The following STAG1 variants were observed in gnomAD, a reference collection of about 807,000 sequenced individuals.
STAG1 encodes the protein STAG1 cohesin complex component, also known as cohesin subunit SA-1.
In STAG1, 26 loss-of-function variants were observed where a neutral mutation model predicts 170.9. That is an observed-to-expected ratio of 0.15 (90% CI 0.11 to 0.21). The LOEUF is 0.21. Among genes scored for constraint, STAG1 ranks in the 10% least tolerant of loss-of-function variants. STAG1 has a pLI of 1.00. For missense variants in STAG1, 964 were observed against 1,509.5 expected (o/e 0.64, Z 5.99); for synonymous variants, 514 against 497.7 (o/e 1.03, Z -0.44).
At chr3:136,371,588 C>T (rs1409924841) in intron 23 of STAG1, among the ~76,000 whole-genome samples, 1 of 152,184 alleles carries the variant, frequency 6.6e-6, no homozygotes, top group African/African-American at 2.4e-5. Flanking sequence ...AGCCAGTTTT[C>T]CCAGCACCAT....
intron 7 of STAG1, among the ~76,000 whole-genome samples, chr3:136,508,077 T>G (rs1005129298): frequency 1.3e-5 from 2 of 151,906 alleles, no homozygotes; most frequent in Non-Finnish European, 2.9e-5. Flanking sequence ...ATTCTGAGAT[T>G]TGCTATAAAG....
intron 13 of STAG1, among the ~76,000 whole-genome samples, chr3:136,460,705 G>A (rs746989994): frequency 3.3e-5 from 5 of 150,490 alleles, no homozygotes; most frequent in Admixed American, 1.3e-4. Context: ...AAAAAAGCCC[G>A]GTACCTGATG....
At chr3:136,470,334 C>T (rs1402870151) in intron 12 of STAG1, among the ~76,000 whole-genome samples, 1 of 152,196 alleles carries the variant, frequency 6.6e-6, no homozygotes, top group African/African-American at 2.4e-5. Flanking sequence ...AGGATATGAA[C>T]AGACACTTCT....
chr3:136,596,291 TG>T (rs1276441841), intron 4 of STAG1, among the ~76,000 whole-genome samples: 1 of 152,226 alleles, frequency 6.6e-6, no homozygotes, highest in Non-Finnish European at 1.5e-5. Flanking sequence ...CACAGCCACT[TG>T]ATCAGTCGGC....
intron 11 of STAG1, among the ~76,000 whole-genome samples, chr3:136,472,955 A>G (rs1284491973): frequency 5.3e-5 from 8 of 152,170 alleles, no homozygotes; most frequent in Non-Finnish European, 1.2e-4. Flanking sequence ...GCAAGGGGTT[A>G]GTGGTGTGGG....
chr3:136,741,473 AT>A (rs577077816), intron 1 of STAG1, among the ~76,000 whole-genome samples: 34 of 148,672 alleles, frequency 2.3e-4, no homozygotes, highest in Non-Finnish European at 2.8e-4. Flanking sequence ...GTTGGAAGGA[AT>A]TTTTTTTTTT....
At chr3:136,719,084 C>G (rs2107927148) in intron 1 of STAG1, among the ~76,000 whole-genome samples, 1 of 152,178 alleles carries the variant, frequency 6.6e-6, no homozygotes, top group South Asian at 2.1e-4. Context: ...ATGTCTACAC[C>G]AAGACTTGTA....
intron 13 of STAG1, among the ~76,000 whole-genome samples, chr3:136,461,056 C>T (rs2089259021): frequency 6.6e-6 from 1 of 152,258 alleles, no homozygotes; most frequent in East Asian, 1.9e-4. Flanking sequence ...AAATGTGATA[C>T]ATCACATCAA....
intron 22 of STAG1, among the ~76,000 whole-genome samples, chr3:136,393,795 C>T (rs534290456): frequency 6.6e-6 from 1 of 152,204 alleles, no homozygotes; most frequent in Admixed American, 6.5e-5. Flanking sequence ...AGGGTTTCAC[C>T]ATGTTGGTCA....
chr3:136,702,109 GAGAGAGAGAGAGAC>G (rs1317526661), intron 1 of STAG1, among the ~76,000 whole-genome samples: 3,649 of 87,746 alleles, frequency 0.042, 35 homozygotes, highest in Non-Finnish European at 0.059. Flanking sequence ...GAGAGAGAGA[GAGAGAGAGAGAGAC>G]AGAGAGACAG....
chr3:136,723,593 T>A (rs1273319666), intron 1 of STAG1, among the ~76,000 whole-genome samples: 13 of 143,028 alleles, frequency 9.1e-5, no homozygotes, highest in South Asian at 2.4e-4. Flanking sequence ...AGCCGCCCCG[T>A]CCAGGAGGGA....
At chr3:136,394,064 C>T (rs1196067387) in intron 22 of STAG1, among the ~76,000 whole-genome samples, 6 of 152,108 alleles carry the variant, frequency 3.9e-5, no homozygotes, top group African/African-American at 7.2e-5. Context: ...CATGCCACCA[C>T]GCCCAGCAAA....
chr3:136,434,978 A>C lies in STAG1; in HGVS notation c.1547-1319T>G, dbSNP rs2088413263. On this transcript the variant is annotated intron_variant, in intron 15 of 33. Coordinates refer to ENST00000383202, the MANE Select transcript of STAG1 (RefSeq NM_005862.3). ...AACCAGATTTCCCTTTTTAATTTAAATGTCATTTTTAAACATGGTTCAGGC... is the reference window on the plus strand; with the variant it reads ...AACCAGATTTCCCTTTTTAATTTAACTGTCATTTTTAAACATGGTTCAGGC... 3.9e-5 allele frequency among the ~76,000 whole-genome samples: 6 copies of C among 152,086 alleles called. No individual in the cohort carries two copies. The South Asian group carries it at 1.2e-3, about 32-fold the overall frequency.
At chr3:136,669,299 A>G (rs1576741933) in intron 1 of STAG1, among the ~76,000 whole-genome samples, 1 of 152,336 alleles carries the variant, frequency 6.6e-6, no homozygotes, top group Non-Finnish European at 1.5e-5. Context: ...GGTGAAATTA[A>G]TAACATTAAT....
chr3:136,618,704 T>C (rs886546219), intron 3 of STAG1, among the ~76,000 whole-genome samples: 2 of 152,124 alleles, frequency 1.3e-5, no homozygotes, highest in African/African-American at 2.4e-5. Context: ...AAAAGAATAG[T>C]TTTTCTTTTC....
intron 5 of STAG1, among the ~76,000 whole-genome samples, chr3:136,546,138 G>A (rs946270301): frequency 5.9e-5 from 9 of 152,098 alleles, no homozygotes; most frequent in African/African-American, 2.2e-4. Context: ...CTATAGAACT[G>A]TTCAAAGATG....
At chr3:136,692,213 CTGA>C (rs1220306477) in intron 1 of STAG1, among the ~76,000 whole-genome samples, 43 of 145,080 alleles carry the variant, frequency 3.0e-4, no homozygotes, top group African/African-American at 1.1e-3. Flanking sequence ...ACTCAGGAAG[CTGA>C]GGCAGGAGAA....
chr3:136,616,761 G>A (rs1404495943), intron 3 of STAG1, among the ~76,000 whole-genome samples: 1 of 152,078 alleles, frequency 6.6e-6, no homozygotes, highest in Admixed American at 6.6e-5. Flanking sequence ...TAGCCGGTGT[G>A]GTGATGCATG....
At chr3:136,730,928 A>T (rs1299200307) in intron 1 of STAG1, among the ~76,000 whole-genome samples, 2 of 152,246 alleles carry the variant, frequency 1.3e-5, no homozygotes, top group African/African-American at 4.8e-5. Flanking sequence ...CAGATTGCTC[A>T]TCCCCAGAAT....
Sources: gnomAD v4.1 joint callset for allele counts (sites outside exome capture counted in the v4.1 genomes callset) on GRCh38, gnomAD v4.1.1 for gene constraint, MANE v1.5 for transcripts, NCBI Gene and HGNC (gene_info 2026-07-23, HGNC 2026-07-21) for gene names.